The following INPP4A variants were observed in gnomAD, a reference collection of about 807,000 sequenced individuals.
The protein encoded by INPP4A is inositol polyphosphate-4-phosphatase, type I, 107kD.
INPP4A carries 33 observed loss-of-function variants against 119.8 expected under a neutral mutation model. The observed-to-expected ratio is 0.28, with a 90% CI of 0.21 to 0.37. INPP4A has a LOEUF of 0.37. Among genes scored for constraint, INPP4A ranks in the 10% least tolerant of loss-of-function variants. The pLI, the probability that INPP4A is intolerant of heterozygous loss-of-function variation, is 1.00. For missense variants in INPP4A, 956 were observed against 1,289.9 expected, an observed-to-expected ratio of 0.74 and a Z score of 3.97; for synonymous variants, 496 against 500.7, an observed-to-expected ratio of 0.99 and a Z score of 0.12.
intron 16 of INPP4A, 25 bp downstream of exon 16, chr2:98,555,833 T>A (rs1354895144): frequency 6.5e-7 from 1 of 1,534,940 alleles, no homozygotes; most frequent in Non-Finnish European, 8.8e-7. Context: ...ATGCTTCCCA[T>A]ATGCTGCCTC....
At chr2:98,539,086 C>A in intron 9 of INPP4A, 105 bp downstream of exon 9, 1 of 613,480 alleles carries the variant, frequency 1.6e-6, no homozygotes, top group East Asian at 2.8e-5. Flanking sequence ...AGCCATGCAC[C>A]CTAATTGTCA....
chr2:98,491,697 A>G (rs535691211), intron 1 of INPP4A, among the ~76,000 whole-genome samples: 16 of 152,318 alleles, frequency 1.1e-4, no homozygotes, highest in African/African-American at 2.9e-4. Context: ...TGAGCAGACA[A>G]TGGAGCGCAG....
rs148566313 is a variant in INPP4A, at chr2:98,471,892, G to A, written c.-166+26807G>A. On this transcript the variant is annotated intron_variant, in intron 1 of 24. Transcript: ENST00000409851. ...CCAGGGGTGTGTGGTCTGGGGTGAG[G>A]ACTGATTGAAGAAGTAACAATCTTG... Among the ~76,000 whole-genome samples, 526 of 152,296 alleles carry A rather than the reference G, an allele frequency of 3.5e-3. 8 individuals carry two copies. Among genetic ancestry groups the A allele is most frequent in the African/African-American group, 0.012 (486 of 41,568 alleles).
At chr2:98,494,899 A>T (rs1487665176) in intron 1 of INPP4A, among the ~76,000 whole-genome samples, 1 of 152,252 alleles carries the variant, frequency 6.6e-6, no homozygotes, top group African/African-American at 2.4e-5. Context: ...CACCAGAGGC[A>T]GACAGCTTAA....
intron 1 of INPP4A, among the ~76,000 whole-genome samples, chr2:98,464,020 C>G (rs570626240): frequency 6.6e-6 from 1 of 152,342 alleles, no homozygotes; most frequent in South Asian, 2.1e-4. Context: ...AAAGATATCT[C>G]AGAGGGCCTG....
At chr2:98,563,795 A>G (rs1354413972) in intron 18 of INPP4A, among the ~76,000 whole-genome samples, 158 bp downstream of exon 18, 2 of 152,176 alleles carry the variant, frequency 1.3e-5, no homozygotes, top group African/African-American at 2.4e-5. Context: ...AGAGAGGTCT[A>G]CATTTCAACA....
At chr2:98,545,102 G>A (rs1692232251) in intron 11 of INPP4A, among the ~76,000 whole-genome samples, 1 of 152,190 alleles carries the variant, frequency 6.6e-6, no homozygotes, top group Admixed American at 6.5e-5. Flanking sequence ...GGATGCTCAT[G>A]GTGCGGTCTG....
chr2:98,590,564 C>G lies in INPP4A; in HGVS notation c.*2956C>G, dbSNP rs1008051744. On this transcript the variant is annotated 3_prime_UTR_variant, in exon 25 of 25. Transcript: ENST00000409851. ...ATGGTAGCCATTGTTGTTACCTTCC[C>G]GTCTGTGAACATGGATCACATCATC... 2 of 196,640 alleles carry G rather than the reference C, an allele frequency of 1.0e-5. No individual in the cohort carries two copies. Among genetic ancestry groups the G allele is most frequent in the Non-Finnish European group, 2.1e-5 (2 of 95,040 alleles). The allele number at this position is 196,640 out of a possible 1,614,324, so 12.2% of individuals were successfully genotyped here. A position where few individuals can be genotyped will look rare whatever the true frequency, so the allele number is the denominator to read the frequency against.
chr2:98,505,199 G>A (rs1218016420), intron 1 of INPP4A, among the ~76,000 whole-genome samples: 2 of 152,240 alleles, frequency 1.3e-5, no homozygotes, highest in Non-Finnish European at 1.5e-5. Context: ...TTTAGAAAAG[G>A]TTCAGGCAGC....
chr2:98,448,353 C>CAA (rs571844955), intron 1 of INPP4A, among the ~76,000 whole-genome samples: 100 of 99,666 alleles, frequency 1.0e-3, no homozygotes, highest in African/African-American at 1.7e-3. Context: ...GAGACTGTCT[C>CAA]AAAAAAAAAA....
At chr2:98,531,801 T>A (rs1689282084) in intron 4 of INPP4A, among the ~76,000 whole-genome samples, 1 of 152,222 alleles carries the variant, frequency 6.6e-6, no homozygotes, top group Admixed American at 6.5e-5. Flanking sequence ...GCACCACACT[T>A]ACAGTATAAA....
At chr2:98,447,799 G>A (rs532058920) in intron 1 of INPP4A, among the ~76,000 whole-genome samples, 25 of 152,182 alleles carry the variant, frequency 1.6e-4, no homozygotes, top group South Asian at 6.2e-4. Flanking sequence ...AGTAATCCCC[G>A]CACTTTGGGA....
At chr2:98,476,529 T>G (rs769668616) in intron 1 of INPP4A, among the ~76,000 whole-genome samples, 5 of 152,078 alleles carry the variant, frequency 3.3e-5, no homozygotes, top group Non-Finnish European at 7.4e-5. Context: ...TCAGGGAGGC[T>G]CTCAGCTGGG....
chr2:98,541,235 G>A (rs997868352), intron 10 of INPP4A, among the ~76,000 whole-genome samples: 2 of 151,902 alleles, frequency 1.3e-5, no homozygotes, highest in African/African-American at 4.8e-5. Context: ...GCAGAGGCAG[G>A]AGAATGGCGT....
rs1462238016 is a variant in INPP4A at position 98,463,134 on chromosome 2, G to C, written c.-166+18049G>C. Among the ~76,000 whole-genome samples, 4 of 152,130 alleles carry C rather than the reference G, an allele frequency of 2.6e-5. No individual in the cohort carries two copies. The East Asian group carries it at 7.7e-4, about 29-fold the overall frequency. ...TGGGATTACAGACGTGAGCCACCGC[G>C]CCCAGCCCACAGACATTTTAAACTA... On this transcript the variant is annotated intron_variant, in intron 1 of 24. Transcript: ENST00000409851.
intron 10 of INPP4A, among the ~76,000 whole-genome samples, chr2:98,543,201 A>G (rs1240637442): frequency 6.6e-6 from 1 of 152,194 alleles, no homozygotes; most frequent in East Asian, 1.9e-4. Context: ...GCCAGCTCCC[A>G]TGGTCTTTGT....
intron 23 of INPP4A, 132 bp from the exon 24 acceptor site, chr2:98,576,857 T>C: frequency 1.0e-5 from 11 of 1,087,220 alleles, no homozygotes; most frequent in Non-Finnish European, 1.4e-5. Flanking sequence ...AATTGGAGCG[T>C]CTGGCCAGGC....
chr2:98,557,796 CCA>C (rs1439718750), intron 16 of INPP4A, among the ~76,000 whole-genome samples: 1 of 152,236 alleles, frequency 6.6e-6, no homozygotes, highest in African/African-American at 2.4e-5. Flanking sequence ...CCAGCCAAAA[CCA>C]CAGAGGCTCC....
intron 1 of INPP4A, among the ~76,000 whole-genome samples, chr2:98,479,930 A>C (rs1678065794): frequency 6.6e-6 from 1 of 152,196 alleles, no homozygotes; most frequent in East Asian, 1.9e-4. Context: ...GACTTCCTAG[A>C]AAGCCTGAGA....
Sources: allele counts gnomAD v4.1 joint callset (sites outside exome capture counted in the v4.1 genomes callset), GRCh38; gene constraint gnomAD v4.1.1; transcripts MANE v1.5; gene names NCBI Gene and HGNC (gene_info 2026-07-23, HGNC 2026-07-21).